Variants in PKD1L1 observed in about 807,000 individuals in gnomAD.
PKD1L1 encodes the protein polycystin-1-like protein 1.
A neutral mutation model predicts 323.4 loss-of-function variants in PKD1L1; 236 were observed. The ratio of observed to expected loss-of-function variants is 0.73; its 90% CI spans 0.66 to 0.81. The LOEUF is 0.81. PKD1L1 is among the 40% of genes least tolerant of loss of function. The pLI, the probability that PKD1L1 is intolerant of heterozygous loss-of-function variation, is 0.00. For synonymous variants in PKD1L1, 1,344 were observed against 1,335.0 expected, an observed-to-expected ratio of 1.01 and a Z score of -0.15; for missense variants, 3,320 against 3,508.0, an observed-to-expected ratio of 0.95 and a Z score of 1.35.
rs779418982 is a variant in PKD1L1, at chr7:47,866,544, T to C, written c.3967A>G (p.Ile1323Val). Residue 1323 changes from isoleucine (I) to valine (V), a missense_variant, in exon 25 of 57, where the codon ATC becomes GTC. Physicochemically the swap from Ile to Val is conservative, Grantham distance 29 (BLOSUM62 3). Transcript: ENST00000289672. ...MGSYTEIRNY[I>V]TVITRILSRL... The stretch of plus-strand genomic sequence containing the variant: ...CTCAGGATTCTGGTGATCACAGTGA[T>C]GTAGTTCCTGATTTCTGTGTAACTC... The C allele has an allele frequency of 4.3e-6, 7 of 1,613,826 alleles. No individual in the cohort carries two copies. The highest frequency in any genetic ancestry group is 1.3e-5 in the African/African-American group (1 of 75,062).
the PKD1L1 span, among the ~76,000 whole-genome samples, chr7:47,957,862 A>ATATATATAT: frequency 5.2e-5 from 7 of 134,666 alleles, no homozygotes; most frequent in Admixed American, 1.5e-4. Context: ...ATTAAAAAAA[A>ATATATATAT]ATATATATAT....
At chr7:47,889,153 G>A (rs558877927) in intron 16 of PKD1L1, among the ~76,000 whole-genome samples, 27 of 152,174 alleles carry the variant, frequency 1.8e-4, no homozygotes, top group African/African-American at 4.1e-4. Flanking sequence ...GGGTGCAGAC[G>A]GACATGGGCA....
chr7:47,895,318 C>T (rs1371653321), intron 14 of PKD1L1, among the ~76,000 whole-genome samples: 3 of 152,236 alleles, frequency 2.0e-5, no homozygotes, highest in East Asian at 3.8e-4. Flanking sequence ...AAACCTCCTT[C>T]GGAGCTCCCA....
intron 8 of PKD1L1, among the ~76,000 whole-genome samples, chr7:47,909,515 C>T (rs1197043719): frequency 2.6e-5 from 4 of 152,228 alleles, no homozygotes; most frequent in Non-Finnish European, 5.9e-5. Context: ...GAATCACTGG[C>T]TTCACCTGGC....
intron 21 of PKD1L1, among the ~76,000 whole-genome samples, chr7:47,880,312 T>C (rs112669747): frequency 0.2 from 18,473 of 93,968 alleles, 3,046 homozygotes; most frequent in African/African-American, 0.36. Flanking sequence ...GAGACAGTCT[T>C]GCTCTGTCGC....
Position 47,818,279 on chromosome 7 carries a change from G to A in PKD1L1, c.6965+2797C>T, listed in dbSNP as rs142782684. 5.4e-4 allele frequency: 589 copies of A among 1,098,200 alleles called. 6 individuals carry two copies. In the South Asian group the frequency reaches 6.5e-3, roughly 12 times the overall value. The allele number at this position is 1,098,200 out of a possible 1,614,324, so 68.0% of individuals were successfully genotyped here. A position where few individuals can be genotyped will look rare whatever the true frequency, so the allele number is the denominator to read the frequency against. On this transcript the variant is annotated intron_variant, in intron 46 of 56. Transcript: ENST00000289672. ...GGCACAGAGATGCAGTGAAAAGGGCGGGAGGGTAGGAAAGAGGCAAAGGAT... is the reference window on the plus strand; with the variant it reads ...GGCACAGAGATGCAGTGAAAAGGGCAGGAGGGTAGGAAAGAGGCAAAGGAT...
intron 15 of PKD1L1, among the ~76,000 whole-genome samples, 169 bp downstream of exon 15, chr7:47,893,709 C>G (rs1321802077): frequency 6.6e-6 from 1 of 152,238 alleles, no homozygotes; most frequent in South Asian, 2.1e-4. Flanking sequence ...TACTTCCACT[C>G]TTTTCCTCAA....
intron 54 of PKD1L1, among the ~76,000 whole-genome samples, chr7:47,796,997 C>T (rs1403411450): frequency 8.9e-5 from 4 of 45,092 alleles, no homozygotes; most frequent in African/African-American, 2.6e-4. Context: ...AAGACTCCGT[C>T]TCAAAAAAAA....
chr7:47,797,209 T>A (rs966355750), intron 54 of PKD1L1, among the ~76,000 whole-genome samples: 1 of 152,208 alleles, frequency 6.6e-6, no homozygotes, highest in African/African-American at 2.4e-5. Context: ...CTCTCTCTGC[T>A]GCCCCTCTCC....
intron 46 of PKD1L1, among the ~76,000 whole-genome samples, chr7:47,818,789 C>T (rs761418984): frequency 1.5e-4 from 23 of 152,140 alleles, no homozygotes; most frequent in Non-Finnish European, 2.6e-4. Context: ...TTGATTGGTG[C>T]TTTATTTGCT....
intron 8 of PKD1L1, among the ~76,000 whole-genome samples, chr7:47,912,603 G>C (rs565160116): frequency 3.3e-5 from 5 of 151,938 alleles, no homozygotes; most frequent in African/African-American, 9.7e-5. Context: ...ATCGCTTGAG[G>C]TCAGGAGTTT....
Position 47,904,470 on chromosome 7 carries a change from C to A in PKD1L1, c.1839G>T (p.Trp613Cys). 1 of 1,614,188 alleles carries A rather than the reference C, an allele frequency of 6.2e-7. No individual in the cohort carries two copies. The highest frequency in any genetic ancestry group is 8.5e-7 in the Non-Finnish European group (1 of 1,180,044). The change falls in exon 12 of 57, where the codon TGG becomes TGT. Residue 613 changes from tryptophan (W) to cysteine (C), a missense_variant. Transcript: ENST00000289672. ...AGGCAACATCTGTGCCGAAGTTGAT[C>A]CAGCACTCAAAGGCCACACTGGCAT... ...LVNASVAFEC[W>C]INFGTDVAYL...
At position 47,893,886 on chromosome 7, in the gene PKD1L1, C is replaced by T. The variant is rs948643047; in HGVS notation, c.2445G>A (p.Ala815=). The stretch of plus-strand genomic sequence containing the variant: ...GTGGGGGTGGTGCTCACCTGAGAGT[C>T]GCCCCAGGGTCGTCAGGGTCGAAGG... ...TQSFDPDDPG[A]TLRYHWECAT... The change falls in exon 15 of 57, where the codon GCG becomes GCA. Residue 815 remains alanine, a synonymous_variant. Coordinates refer to ENST00000289672, the MANE Select transcript of PKD1L1 (RefSeq NM_138295.5). 7.4e-6 allele frequency: 12 copies of T among 1,612,826 alleles called. No individual in the cohort carries two copies. The highest frequency in any genetic ancestry group is 3.3e-5 in the Admixed American group (2 of 59,880).
chr7:47,781,901 G>A (rs961921587), intron 56 of PKD1L1, among the ~76,000 whole-genome samples: 2 of 152,024 alleles, frequency 1.3e-5, no homozygotes, highest in East Asian at 1.9e-4. Flanking sequence ...CAATTGCATC[G>A]GTAACATTGT....
intron 26 of PKD1L1, among the ~76,000 whole-genome samples, chr7:47,860,606 C>A (rs941711809): frequency 1.3e-5 from 2 of 152,140 alleles, no homozygotes; most frequent in African/African-American, 4.8e-5. Flanking sequence ...CATGAGGTAG[C>A]TTACCATGGA....
chr7:47,955,070 A>G, the PKD1L1 span, among the ~76,000 whole-genome samples: 3 of 152,140 alleles, frequency 2.0e-5, 1 homozygote, highest in South Asian at 6.2e-4. Context: ...TTAGCCTACA[A>G]CTTAATAACT....
intron 46 of PKD1L1, among the ~76,000 whole-genome samples, chr7:47,817,854 A>T (rs1785053595): frequency 6.6e-6 from 1 of 152,168 alleles, no homozygotes; most frequent in South Asian, 2.1e-4. Context: ...TGGGCAACAG[A>T]GCAAGGCTCT....
chr7:47,800,601 G>A (rs1479528211), intron 54 of PKD1L1, 48 bp downstream of exon 54: 1 of 1,583,436 alleles, frequency 6.3e-7, no homozygotes, highest in Non-Finnish European at 8.7e-7. Flanking sequence ...AACAGCAAAT[G>A]AAACTTTTAC....
chr7:47,907,388 CTTT>C (rs1194122813), intron 9 of PKD1L1, among the ~76,000 whole-genome samples: 1 of 151,824 alleles, frequency 6.6e-6, no homozygotes, highest in Non-Finnish European at 1.5e-5. Flanking sequence ...TGTAGGGACT[CTTT>C]TTTCTACGGT....
Sources: allele counts gnomAD v4.1 joint callset (sites outside exome capture counted in the v4.1 genomes callset), GRCh38; gene constraint gnomAD v4.1.1; transcripts MANE v1.5; gene names NCBI Gene and HGNC (gene_info 2026-07-23, HGNC 2026-07-21).